The following TMEM156 variants were observed in gnomAD, a reference collection of about 807,000 sequenced individuals.
TMEM156 encodes transmembrane protein 156.
In TMEM156, 28 loss-of-function variants were observed where a neutral mutation model predicts 30.5. The ratio of observed to expected loss-of-function variants is 0.92; its 90% confidence interval spans 0.68 to 1.26. The LOEUF is 1.26. Ranked by LOEUF, TMEM156 falls within the 50% of genes most tolerant of loss-of-function variation. The probability of loss-of-function intolerance (pLI) is 0.00; values close to 1 mark genes in which losing one functional copy is unlikely to be tolerated. For synonymous variants in TMEM156, 137 were observed against 119.9 expected, an observed-to-expected ratio of 1.14 and a Z score of -0.93; for missense variants, 351 against 340.6, an observed-to-expected ratio of 1.03 and a Z score of -0.24.
intron 1 of TMEM156, among the ~76,000 whole-genome samples, chr4:39,018,416 A>T (rs889579275): frequency 1.4e-4 from 22 of 152,210 alleles, no homozygotes; most frequent in African/African-American, 3.9e-4. Context: ...CATGTTTATA[A>T]TTGTTGTTGA....
intron 1 of TMEM156, among the ~76,000 whole-genome samples, chr4:39,019,746 A>T (rs1246243068): frequency 6.6e-6 from 1 of 152,216 alleles, no homozygotes; most frequent in Non-Finnish European, 1.5e-5. Context: ...ATATATTGTT[A>T]GGTGATTAAA....
At chr4:38,980,051 C>A (rs1338946465) in intron 5 of TMEM156, among the ~76,000 whole-genome samples, 2 of 152,094 alleles carry the variant, frequency 1.3e-5, no homozygotes, top group Middle Eastern at 3.2e-3. Flanking sequence ...TTCAAGGTGC[C>A]AACTTCTTCC....
intron 1 of TMEM156, among the ~76,000 whole-genome samples, chr4:39,013,834 T>A (rs1176606376): frequency 6.6e-6 from 1 of 152,232 alleles, no homozygotes; most frequent in Non-Finnish European, 1.5e-5. Context: ...AGATCATTCA[T>A]CCAAAGGTTT....
chr4:38,995,543 C>T (rs1024909595), intron 2 of TMEM156, among the ~76,000 whole-genome samples: 3 of 152,104 alleles, frequency 2.0e-5, no homozygotes, highest in Non-Finnish European at 4.4e-5. Flanking sequence ...GATGAAACCC[C>T]GTCTCTACTA....
At chr4:38,970,414 G>T (rs1419934310) in intron 6 of TMEM156, among the ~76,000 whole-genome samples, 2 of 152,044 alleles carry the variant, frequency 1.3e-5, no homozygotes. Flanking sequence ...AAGAGTAAAT[G>T]ATATAACCAA....
At chr4:39,004,243 G>T (rs561508259) in intron 1 of TMEM156, among the ~76,000 whole-genome samples, 80 of 152,220 alleles carry the variant, frequency 5.3e-4, no homozygotes, top group Non-Finnish European at 1.9e-4. Flanking sequence ...CAACCTCTCA[G>T]AGGAAGTACA....
At chr4:38,979,092 G>T (rs1723049257) in intron 5 of TMEM156, among the ~76,000 whole-genome samples, 1 of 152,220 alleles carries the variant, frequency 6.6e-6, no homozygotes, top group South Asian at 2.1e-4. Flanking sequence ...ATTCTTTATG[G>T]ATTAATGCAC....
At chr4:38,991,435 A>G (rs1424718406) in intron 3 of TMEM156, among the ~76,000 whole-genome samples, 1 of 150,628 alleles carries the variant, frequency 6.6e-6, no homozygotes, top group African/African-American at 2.4e-5. Flanking sequence ...TGTCCAAGCT[A>G]GTCTCGAACT....
intron 1 of TMEM156, among the ~76,000 whole-genome samples, chr4:39,003,374 G>A (rs1015335508): frequency 9.2e-5 from 14 of 151,906 alleles, no homozygotes; most frequent in African/African-American, 3.1e-4. Context: ...TGCTCTTGTT[G>A]CCTAGGCTGG....
intron 2 of TMEM156, among the ~76,000 whole-genome samples, chr4:38,995,962 A>G (rs929793266): frequency 6.6e-6 from 1 of 152,206 alleles, no homozygotes; most frequent in African/African-American, 2.4e-5. Context: ...GACCACATAA[A>G]GGAAACAATC....
At chr4:39,024,284 C>A (rs1239410492) in intron 1 of TMEM156, among the ~76,000 whole-genome samples, 1 of 152,068 alleles carries the variant, frequency 6.6e-6, no homozygotes, top group Non-Finnish European at 1.5e-5. Flanking sequence ...ATCTGCCTAC[C>A]TTGGCCTCCC....
rs2109845617 is a variant in TMEM156, at chr4:38,967,650, T to A, written c.*39-9A>T. 6.6e-6 allele frequency: 1 copy of A among 152,360 alleles called. No individual in the cohort carries two copies. The highest frequency in any genetic ancestry group is 2.1e-4 in the South Asian group (1 of 4,826). 9.4% of individuals were successfully genotyped at this position (152,360 alleles called of 1,614,324 possible). ...ACTTGCCCGGGGATATTCTGAAGAT[T>A]TAAATAAAAGCAAGAAAATATTATT... On this transcript the variant is annotated splice_polypyrimidine_tract_variant and intron_variant, in intron 6 of 6. Coordinates refer to ENST00000381938, the MANE Select transcript of TMEM156 (RefSeq NM_024943.3).
Position 38,986,807 on chromosome 4 carries a change from C to CAAAAAA in TMEM156, c.740-394_740-389dup, listed in dbSNP as rs59087758. Among the ~76,000 whole-genome samples, 7 of 23,746 alleles carry CAAAAAA rather than the reference C, an allele frequency of 2.9e-4. 1 individual carries two copies. Among genetic ancestry groups the CAAAAAA allele is most frequent in the African/African-American group, 5.5e-4 (4 of 7,232 alleles). 15.6% of individuals were successfully genotyped at this position (23,746 alleles called of 152,430 possible). ...TGGACGAAAGAGTGAGACTCCATCT[C>CAAAAAA]AAAAAAAAAAAAAAAAAAAAAAAAA... On this transcript the variant is annotated intron_variant, in intron 4 of 6. Transcript: ENST00000381938.
intron 1 of TMEM156, among the ~76,000 whole-genome samples, chr4:39,025,116 A>G (rs1715114935): frequency 6.6e-6 from 1 of 151,966 alleles, no homozygotes. Flanking sequence ...TGGGAGGCTG[A>G]GGTGGGCAGA....
At chr4:39,009,432 A>C (rs1713958810) in intron 1 of TMEM156, among the ~76,000 whole-genome samples, 1 of 152,136 alleles carries the variant, frequency 6.6e-6, no homozygotes, top group South Asian at 2.1e-4. Context: ...AGATCTAGCA[A>C]AGACACAACA....
At chr4:38,990,338 G>A (rs999826367) in intron 3 of TMEM156, among the ~76,000 whole-genome samples, 6 of 152,128 alleles carry the variant, frequency 3.9e-5, no homozygotes. Flanking sequence ...GGATGGCGGC[G>A]CTCAGCCTCC....
At chr4:38,972,168 C>T (rs1259870967) in intron 5 of TMEM156, among the ~76,000 whole-genome samples, 1 of 148,854 alleles carries the variant, frequency 6.7e-6, no homozygotes, top group African/African-American at 2.5e-5. Flanking sequence ...TTAGTGTATT[C>T]AAGAAAATTA....
intron 1 of TMEM156, among the ~76,000 whole-genome samples, chr4:39,015,734 C>A (rs1279251777): frequency 1.3e-5 from 2 of 152,138 alleles, no homozygotes; most frequent in African/African-American, 2.4e-5. Flanking sequence ...TGAATTGTAG[C>A]TCTCATAACT....
At position 38,993,912 on chromosome 4, in the gene TMEM156, C is replaced by T. The variant is rs766096137; in HGVS notation, c.445G>A (p.Val149Ile). 5 of 1,613,874 alleles carry T rather than the reference C, an allele frequency of 3.1e-6. No individual in the cohort carries two copies. Among genetic ancestry groups the T allele is most frequent in the East Asian group, 4.5e-5 (2 of 44,872 alleles). The change falls in exon 3 of 7, where the codon GTT (valine) becomes ATT (isoleucine). Residue 149 changes from valine to isoleucine, a missense_variant. By Grantham distance (29) the Val-to-Ile change is conservative. Transcript: ENST00000381938. Reference sequence around the variant, plus strand: ...GTGTTATATTCCTCCAAGTGGTCAACCAGAGGAGCTACACTGAAGTTAAAG... The same window carrying T: ...GTGTTATATTCCTCCAAGTGGTCAATCAGAGGAGCTACACTGAAGTTAAAG... ...QHFNFSVAPL[V>I]DHLEEYNTTC...
Sources: gnomAD v4.1 joint callset for allele counts (sites outside exome capture counted in the v4.1 genomes callset) on GRCh38, gnomAD v4.1.1 for gene constraint, MANE v1.5 for transcripts, NCBI Gene and HGNC (gene_info 2026-07-23, HGNC 2026-07-21) for gene names.